The following SMTN variants were observed in gnomAD, a reference collection of about 807,000 sequenced individuals.
SMTN encodes smoothelin.
In SMTN, 58 loss-of-function variants were observed where a neutral mutation model predicts 102.0. That is an observed-to-expected ratio of 0.57 (90% CI 0.46 to 0.71). SMTN has a LOEUF of 0.71. Among genes scored for constraint, SMTN ranks in the 30% least tolerant of loss-of-function variants. The pLI is 0.00. For synonymous variants in SMTN, 478 were observed against 497.9 expected (o/e 0.96, Z 0.53); for missense variants, 1,185 against 1,241.7 (o/e 0.95, Z 0.69).
At chr22:31,099,708 C>T in intron 18 of SMTN, 37 bp from the exon 19 acceptor site, 1 of 1,603,640 alleles carries the variant, frequency 6.2e-7, no homozygotes, top group Non-Finnish European at 8.5e-7. Context: ...GGGGGAGTTG[C>T]CCCCAGGTTC....
rs148911805 is a variant in SMTN at position 31,099,458 on chromosome 22, G to A, written c.2451+279G>A. 4.3e-3 allele frequency: 2,504 copies of A among 585,908 alleles called. 10 individuals are homozygous for A. Among genetic ancestry groups the A allele is most frequent in the Non-Finnish European group, 6.5e-3 (2,136 of 330,638 alleles). The allele number at this position is 585,908 out of a possible 1,614,324, so 36.3% of individuals were successfully genotyped here. On this transcript the variant is annotated intron_variant, in intron 18 of 20. Coordinates refer to ENST00000333137, the MANE Select transcript of SMTN (RefSeq NM_134269.3). The stretch of plus-strand genomic sequence containing the variant: ...GAGTCCCCTCCTTGTTGCTCTGTAG[G>A]AGGCCCTGAGTCAATTTCTCTAAAT...
intron 4 of SMTN, 24 bp downstream of exon 4, chr22:31,088,630 G>A (rs2042883385): frequency 1.2e-6 from 2 of 1,612,710 alleles, no homozygotes; most frequent in Non-Finnish European, 1.7e-6. Flanking sequence ...TGGGGCAGGG[G>A]ATGGGGGCAG....
At chr22:31,081,864 C>T (rs1039512050) in intron 1 of SMTN, among the ~76,000 whole-genome samples, 2 of 152,170 alleles carry the variant, frequency 1.3e-5, no homozygotes, top group African/African-American at 4.8e-5. Flanking sequence ...TCAGAATGTC[C>T]GCAGAACCTA....
At chr22:31,078,955 T>G (rs1313694574), upstream of SMTN, among the ~76,000 whole-genome samples, 3 of 152,030 alleles carry the variant, frequency 2.0e-5, no homozygotes. Flanking sequence ...TTCCAGAGCT[T>G]CCCCCATCCT....
Position 31,089,942 on chromosome 22 carries a change from A to G in SMTN, c.715A>G (p.Ser239Gly), listed in dbSNP as rs1385416736. 5 of 1,600,782 alleles carry G rather than the reference A, an allele frequency of 3.1e-6. No homozygotes were observed. Among genetic ancestry groups the G allele is most frequent in the Non-Finnish European group, 3.4e-6 (4 of 1,173,688 alleles). The change falls in exon 7 of 21, where the codon AGC becomes GGC. Residue 239 changes from serine to glycine, a missense_variant. Around this residue, in one of 2 missense-constraint regions of SMTN, gnomAD observed 1,096 missense variants for 1,112.7 expected, o/e 0.98. Transcript: ENST00000333137. ...EVPGSPEPPP[S>G]PPKTTSPEPQ... ...TCCAGGCAGCCCAGAGCCACCCCCC[A>G]GCCCACCCAAGACCACCAGCCCTGA... is the stretch of plus-strand genomic sequence containing the variant.
rs747983797 is a variant in SMTN at position 31,098,847 on chromosome 22, T to G, written c.2333+7T>G. On this transcript the variant is annotated splice_region_variant and intron_variant, in intron 17 of 20. Coordinates refer to ENST00000333137, the MANE Select transcript of SMTN (RefSeq NM_134269.3). ...AGAAGGAGGGCGCGGCCGGGTGAGCTGCAGAAGTGGGCTGGGCAGTGGGGG... is the reference window on the plus strand; with the variant it reads ...AGAAGGAGGGCGCGGCCGGGTGAGCGGCAGAAGTGGGCTGGGCAGTGGGGG... 7 of 1,591,606 alleles carry G rather than the reference T, an allele frequency of 4.4e-6. No individual in the cohort carries two copies. The African/African-American group carries it at 6.8e-5, about 16-fold the overall frequency.
At chr22:31,076,211 C>G (rs772892893) in intron 1 of SMTN, among the ~76,000 whole-genome samples, 2 of 152,194 alleles carry the variant, frequency 1.3e-5, no homozygotes, top group African/African-American at 2.4e-5. Flanking sequence ...CCACCGTGGC[C>G]GCCTCCTCTG....
In SMTN at chr22:31,095,312, G is replaced by A; in HGVS notation, c.1642G>A (p.Glu548Lys). The A allele has an allele frequency of 6.2e-7, 1 of 1,613,818 alleles. No individual in the cohort carries two copies. Among genetic ancestry groups the A allele is most frequent in the East Asian group, 2.2e-5 (1 of 44,878 alleles). The change falls in exon 12 of 21, where the codon GAG becomes AAG. Residue 548 changes from glutamate (E) to lysine (K), a missense_variant. Coordinates refer to ENST00000333137, the MANE Select transcript of SMTN (RefSeq NM_134269.3). The surrounding 1 kb of genome is among the most constrained non-coding windows in gnomAD (Gnocchi z 4.1). The part of the protein sequence containing the change: ...RGGCSIKMEA[E>K]PAEPLAAAVE... ...TCTCCCCACCCTGCAGATGGAAGCA[G>A]AGCCAGCAGAGCCTCTCGCTGCAGC...
chr22:31,072,863 A>G (rs2042036163), intron 1 of SMTN, among the ~76,000 whole-genome samples: 1 of 151,666 alleles, frequency 6.6e-6, no homozygotes, highest in Non-Finnish European at 1.5e-5. Context: ...GGCTCAAGTG[A>G]TCCTCCCACT....
In SMTN at chr22:31,091,697, G is replaced by T. The variant is rs141823576; in HGVS notation, c.1482G>T (p.Ala494=). ...QRAELTLGLR[A]PPTLLSTSSG... The stretch of plus-strand genomic sequence containing the variant: ...CAGAACTGACACTGGGGCTGCGGGC[G>T]CCCCCGACCCTACTCAGCACCAGTA... The change falls in exon 11 of 21, where the codon GCG becomes GCT. Residue 494 remains alanine, a synonymous_variant. Transcript: ENST00000333137. The T allele has an allele frequency of 4.4e-6, 7 of 1,599,874 alleles. No individual in the cohort carries two copies. Among genetic ancestry groups the T allele is most frequent in the Non-Finnish European group, 6.0e-6 (7 of 1,170,682 alleles).
At chr22:31,079,812 G>A (rs951508979), upstream of SMTN, among the ~76,000 whole-genome samples, 4 of 152,128 alleles carry the variant, frequency 2.6e-5, no homozygotes, top group Admixed American at 2.0e-4. Flanking sequence ...CGCTTAGGCT[G>A]GAGTGCAGTG....
intron 1 of SMTN, among the ~76,000 whole-genome samples, chr22:31,073,444 G>A (rs1161147309): frequency 6.6e-6 from 1 of 152,116 alleles, no homozygotes; most frequent in Non-Finnish European, 1.5e-5. Flanking sequence ...TGACCCCTGC[G>A]CAAAGGCAGT....
At chr22:31,082,198 TTAAC>T in intron 1 of SMTN, 1 of 205,200 alleles carries the variant, frequency 4.9e-6, no homozygotes, top group South Asian at 6.7e-5. Context: ...TCACCATACA[TTAAC>T]TAAGCATCCA....
chr22:31,097,187 C>G, intron 15 of SMTN, 82 bp from the exon 16 acceptor site: 1 of 1,496,794 alleles, frequency 6.7e-7, no homozygotes. Flanking sequence ...GCGGCTATCA[C>G]CACCCCTCCA....
intron 17 of SMTN, 57 bp downstream of exon 17, chr22:31,098,897 GC>G: frequency 2.0e-6 from 3 of 1,464,714 alleles, no homozygotes; most frequent in Non-Finnish European, 2.8e-6. Context: ...GCAGTGGGGG[GC>G]GGGGCTTGAT....
At chr22:31,083,492 G>C in intron 2 of SMTN, 183 bp downstream of exon 2, 2 of 694,970 alleles carry the variant, frequency 2.9e-6, no homozygotes, top group Non-Finnish European at 4.6e-6. Context: ...GCATGTGCCT[G>C]TCCATGCCTG....
chr22:31,097,139 G>A (rs917208), intron 15 of SMTN, 79 bp downstream of exon 15: 142,569 of 1,518,522 alleles, frequency 0.094, 7,667 homozygotes, highest in Admixed American at 0.17. Context: ...CTCTCTCTCC[G>A]TGTCTTCAAC....
At chr22:31,075,614 G>A (rs2147499737) in intron 1 of SMTN, among the ~76,000 whole-genome samples, 1 of 151,918 alleles carries the variant, frequency 6.6e-6, no homozygotes, top group Middle Eastern at 3.4e-3. Context: ...CCGGGAGGCA[G>A]GGGTTGCAGT....
Position 31,089,985 on chromosome 22 carries a change from C to T in SMTN, c.758C>T (p.Thr253Met), listed in dbSNP as rs780157353. The change falls in exon 7 of 21, where the codon ACG becomes ATG. Residue 253 changes from threonine (T) to methionine (M), a missense_variant. By Grantham distance (81) the Thr-to-Met change is moderately conservative (BLOSUM62 -1). Transcript: ENST00000333137. ...TTSPEPQESP[T>M]LPSTEGQVVN... is the part of the protein sequence containing the mutation. ...AGCCCTGAGCCTCAGGAGTCTCCAACGCTCCCCAGCACTGAGGGCCAGGTG... is the reference window on the plus strand; with the variant it reads ...AGCCCTGAGCCTCAGGAGTCTCCAATGCTCCCCAGCACTGAGGGCCAGGTG... 1.3e-5 allele frequency: 21 copies of T among 1,601,412 alleles called. No homozygotes were observed. The highest frequency in any genetic ancestry group is 1.6e-4 in the Middle Eastern group (1 of 6,062).
Sources: gnomAD v4.1 joint callset for allele counts (sites outside exome capture counted in the v4.1 genomes callset) on GRCh38, gnomAD v4.1.1 for gene constraint, gnomAD v4.1.1 regional missense constraint, Gnocchi (gnomAD v3.1) non-coding constraint, MANE v1.5 for transcripts, NCBI Gene and HGNC (gene_info 2026-07-23, HGNC 2026-07-21) for gene names.